The following C2orf76 variants were observed in gnomAD, a reference collection of about 807,000 sequenced individuals.
The protein encoded by C2orf76 is chromosome 2 open reading frame 76, also known as UPF0538 protein C2orf76.
C2orf76 carries 23 observed loss-of-function variants against 16.9 expected under a neutral mutation model. That is an observed-to-expected ratio of 1.36 (90% CI 0.98 to 1.93). C2orf76 has a LOEUF of 1.93. C2orf76 is among the 30% of genes most tolerant of loss of function. The pLI, the probability that C2orf76 is intolerant of heterozygous loss-of-function variation, is 0.00. For synonymous variants in C2orf76, 48 were observed against 52.3 expected (o/e 0.92, Z 0.35); for missense variants, 152 against 152.6 (o/e 1.00, Z 0.02).
chr2:119,320,865 A>C (rs905831090), intron 3 of C2orf76, among the ~76,000 whole-genome samples: 12 of 152,222 alleles, frequency 7.9e-5, no homozygotes, highest in African/African-American at 2.9e-4. Flanking sequence ...AAAATGTTAA[A>C]TCCCTTCTTT....
At chr2:119,356,122 G>A (rs962289123) in intron 1 of C2orf76, among the ~76,000 whole-genome samples, 1 of 152,154 alleles carries the variant, frequency 6.6e-6, no homozygotes, top group African/African-American at 2.4e-5. Flanking sequence ...GGAAACAAAG[G>A]CCAGGTTCGG....
rs368373109 is a variant in C2orf76, at chr2:119,354,109, C to T, written c.-13+12681G>A. Among the ~76,000 whole-genome samples, 11 of 152,300 alleles carry T rather than the reference C, an allele frequency of 7.2e-5. No homozygotes were observed. The East Asian group carries it at 1.5e-3, about 21-fold the overall frequency. The stretch of plus-strand genomic sequence containing the variant: ...TCTACAACTTATATATGTATTGAAA[C>T]ATCAAATTGTGCTCCCCAAATATGT... On this transcript the variant is annotated intron_variant, in intron 1 of 5. Coordinates refer to ENST00000334816, the MANE Select transcript of C2orf76 (RefSeq NM_001322331.2).
intron 1 of C2orf76, among the ~76,000 whole-genome samples, chr2:119,366,135 T>C (rs1443859455): frequency 2.0e-5 from 3 of 152,144 alleles, no homozygotes; most frequent in Non-Finnish European, 4.4e-5. Context: ...GTACTCTATA[T>C]TTAACTTATT....
intron 1 of C2orf76, among the ~76,000 whole-genome samples, chr2:119,365,765 C>T (rs1477125632): frequency 6.6e-6 from 1 of 152,220 alleles, no homozygotes; most frequent in Non-Finnish European, 1.5e-5. Context: ...CTTCCAGACA[C>T]CTGTGCTGCT....
chr2:119,291,696 C>T, the C2orf76 span, among the ~76,000 whole-genome samples: 1 of 152,020 alleles, frequency 6.6e-6, no homozygotes, highest in East Asian at 1.9e-4. Context: ...GACACCCCTG[C>T]CTTGTAGGAA....
At chr2:119,350,998 G>A (rs1437250191) in intron 1 of C2orf76, among the ~76,000 whole-genome samples, 3 of 152,202 alleles carry the variant, frequency 2.0e-5, no homozygotes, top group Non-Finnish European at 4.4e-5. Flanking sequence ...CATCACTACA[G>A]TTGATTCTGG....
intron 2 of C2orf76, among the ~76,000 whole-genome samples, chr2:119,336,365 G>A (rs1314025312): frequency 6.6e-6 from 1 of 152,028 alleles, no homozygotes; most frequent in East Asian, 1.9e-4. Context: ...ACTCCAGTCT[G>A]GGCAACAGAG....
chr2:119,361,013 T>C (rs1680728070), intron 1 of C2orf76, among the ~76,000 whole-genome samples: 1 of 152,246 alleles, frequency 6.6e-6, no homozygotes, highest in Admixed American at 6.5e-5. Flanking sequence ...AAGGCAGTAT[T>C]AGGAATCTTT....
At chr2:119,330,422 C>A (rs1210409730) in intron 2 of C2orf76, among the ~76,000 whole-genome samples, 3 of 150,836 alleles carry the variant, frequency 2.0e-5, no homozygotes, top group African/African-American at 7.3e-5. Context: ...GAGAAGTTGG[C>A]TGTCAATTTC....
chr2:119,362,210 T>C (rs934982786), intron 1 of C2orf76, among the ~76,000 whole-genome samples: 5 of 152,230 alleles, frequency 3.3e-5, no homozygotes, highest in Admixed American at 2.6e-4. Context: ...CTTTTAAAAA[T>C]ACAGTAAATA....
chr2:119,346,005 A>C (rs1680187310), intron 1 of C2orf76, among the ~76,000 whole-genome samples: 1 of 147,006 alleles, frequency 6.8e-6, no homozygotes, highest in Non-Finnish European at 1.5e-5. Flanking sequence ...CAGTGAGCAG[A>C]GATCGTGCCA....
At chr2:119,320,158 G>T (rs756567003) in intron 3 of C2orf76, among the ~76,000 whole-genome samples, 1 of 151,990 alleles carries the variant, frequency 6.6e-6, no homozygotes, top group African/African-American at 2.4e-5. Flanking sequence ...TCTTTCAAAA[G>T]AACTTACATG....
At chr2:119,316,789 A>G (rs1679186701) in intron 4 of C2orf76, among the ~76,000 whole-genome samples, 1 of 152,082 alleles carries the variant, frequency 6.6e-6, no homozygotes, top group Non-Finnish European at 1.5e-5. Context: ...TTTAATGAGG[A>G]CTCTATGGAA....
At chr2:119,350,081 C>CCA (rs1553449835) in intron 1 of C2orf76, among the ~76,000 whole-genome samples, 1 of 131,086 alleles carries the variant, frequency 7.6e-6, no homozygotes, top group African/African-American at 2.9e-5. Context: ...CCCCCGCCCC[C>CCA]CCACCGTCCC....
chr2:119,300,243 C>A (rs2166505), downstream of C2orf76, among the ~76,000 whole-genome samples: 1 of 152,120 alleles, frequency 6.6e-6, no homozygotes, highest in Admixed American at 6.5e-5. Flanking sequence ...ATATTTGCCA[C>A]GGAACGCACG....
At chr2:119,283,106 T>G in the C2orf76 span, among the ~76,000 whole-genome samples, 1 of 152,238 alleles carries the variant, frequency 6.6e-6, no homozygotes, top group Non-Finnish European at 1.5e-5. Context: ...TCTCTCCCTC[T>G]TCCTTGGTGG....
At chr2:119,288,189 C>G in the C2orf76 span, among the ~76,000 whole-genome samples, 32 of 146,050 alleles carry the variant, frequency 2.2e-4, no homozygotes, top group Middle Eastern at 0.011. Flanking sequence ...CAGAGTCTCA[C>G]TCTGTCGCCC....
At chr2:119,286,451 G>A in the C2orf76 span, among the ~76,000 whole-genome samples, 1 of 151,898 alleles carries the variant, frequency 6.6e-6, no homozygotes, top group Admixed American at 6.6e-5. Context: ...TGGGAAGTCT[G>A]AGAAAGTGGC....
At chr2:119,360,793 C>G (rs528345933) in intron 1 of C2orf76, among the ~76,000 whole-genome samples, 1 of 152,156 alleles carries the variant, frequency 6.6e-6, no homozygotes, top group East Asian at 1.9e-4. Flanking sequence ...GAATAGTACT[C>G]AGGGATAAAA....
Sources: allele counts gnomAD v4.1 joint callset (sites outside exome capture counted in the v4.1 genomes callset), GRCh38; gene constraint gnomAD v4.1.1; transcripts MANE v1.5; gene names NCBI Gene and HGNC (gene_info 2026-07-23, HGNC 2026-07-21).